The following CDH13 variants were observed in gnomAD, a reference collection of about 807,000 sequenced individuals.
The protein encoded by CDH13 is cadherin-13.
In CDH13, 24 loss-of-function variants were observed where a neutral mutation model predicts 63.8. That is an observed-to-expected ratio of 0.38 (90% CI 0.27 to 0.53). The LOEUF (loss-of-function observed/expected upper bound fraction) is 0.53. Among genes scored for constraint, CDH13 ranks in the 20% least tolerant of loss-of-function variants. The pLI, the probability that CDH13 is intolerant of heterozygous loss-of-function variation, is 0.85. For synonymous variants in CDH13, 503 were observed against 355.3 expected, an observed-to-expected ratio of 1.42 and a Z score of -4.67; for missense variants, 1,049 against 903.1, an observed-to-expected ratio of 1.16 and a Z score of -2.07.
At chr16:82,787,697 A>C (rs1409255993) in intron 1 of CDH13, among the ~76,000 whole-genome samples, 1 of 152,254 alleles carries the variant, frequency 6.6e-6, no homozygotes, top group Non-Finnish European at 1.5e-5. Context: ...TTTCACAACC[A>C]GTGGGAAAAG....
chr16:83,538,257 G>A (rs2075231874), intron 7 of CDH13, among the ~76,000 whole-genome samples: 1 of 152,066 alleles, frequency 6.6e-6, no homozygotes, highest in Non-Finnish European at 1.5e-5. Context: ...TTTATTTCTG[G>A]GTATGTTTAG....
chr16:83,759,501 G>A (rs899289443), intron 11 of CDH13, among the ~76,000 whole-genome samples: 7 of 149,572 alleles, frequency 4.7e-5, no homozygotes, highest in African/African-American at 1.8e-4. Flanking sequence ...TCGTAATTAG[G>A]ATACAAAAGT....
chr16:83,048,187 A>G (rs1434474748), intron 3 of CDH13, among the ~76,000 whole-genome samples: 2 of 152,204 alleles, frequency 1.3e-5, no homozygotes, highest in Non-Finnish European at 2.9e-5. Context: ...CAAGATATGA[A>G]CACAAGTTGG....
At chr16:83,263,457 C>G (rs566733663) in intron 5 of CDH13, among the ~76,000 whole-genome samples, 1 of 152,136 alleles carries the variant, frequency 6.6e-6, no homozygotes, top group African/African-American at 2.4e-5. Context: ...CAGAGATCTA[C>G]CAACCACATC....
intron 8 of CDH13, among the ~76,000 whole-genome samples, chr16:83,634,730 C>A (rs1159841631): frequency 6.6e-6 from 1 of 152,062 alleles, no homozygotes; most frequent in Non-Finnish European, 1.5e-5. Flanking sequence ...AAGCATGATG[C>A]CCCTGAGATT....
rs1917957064 is a variant in CDH13 at position 83,047,981 on chromosome 16, AC to A, written c.366+15764del. On this transcript the variant is annotated intron_variant, in intron 3 of 13. Transcript: ENST00000567109. The surrounding 1 kb of genome is among the most constrained non-coding windows in gnomAD (Gnocchi z 4.9). ...TTTTGCACTCAGACTCCTCAAAAAAACATTTAACAAAATATGTTATCTTTTT... is the reference window on the plus strand; with the variant it reads ...TTTTGCACTCAGACTCCTCAAAAAAAATTTAACAAAATATGTTATCTTTTT... Among the ~76,000 whole-genome samples, 2 of 152,336 alleles carry A rather than the reference AC, an allele frequency of 1.3e-5. No homozygotes were observed. Among genetic ancestry groups the A allele is most frequent in the South Asian group, 4.1e-4 (2 of 4,820 alleles).
chr16:83,608,233 G>A (rs1005159052), intron 8 of CDH13, among the ~76,000 whole-genome samples: 14 of 152,090 alleles, frequency 9.2e-5, no homozygotes, highest in African/African-American at 2.9e-4. Flanking sequence ...TAATAAAAAC[G>A]ACATAAAACT....
intron 6 of CDH13, among the ~76,000 whole-genome samples, chr16:83,420,245 A>C (rs2071676746): frequency 6.6e-6 from 1 of 152,200 alleles, no homozygotes; most frequent in Non-Finnish European, 1.5e-5. Context: ...GGTAATTAAA[A>C]ATATGACTGA....
chr16:82,997,681 C>T (rs926424220), intron 2 of CDH13, among the ~76,000 whole-genome samples: 6 of 152,098 alleles, frequency 3.9e-5, no homozygotes, highest in African/African-American at 1.4e-4. Context: ...AGAGATTTTT[C>T]CACAATCACA....
intron 1 of CDH13, among the ~76,000 whole-genome samples, chr16:82,797,114 T>A (rs4783281): frequency 0.024 from 3,671 of 152,328 alleles, 65 homozygotes; most frequent in Admixed American, 0.042. Context: ...AAAGTCTAGA[T>A]GAAATGAGGT....
chr16:83,524,174 C>T (rs181116637), intron 7 of CDH13, among the ~76,000 whole-genome samples: 119 of 152,194 alleles, frequency 7.8e-4, no homozygotes, highest in African/African-American at 2.7e-3. Flanking sequence ...TGGGTTTGCA[C>T]GACAACCAAG....
At chr16:83,510,802 A>G (rs1000389491) in intron 7 of CDH13, among the ~76,000 whole-genome samples, 4 of 152,256 alleles carry the variant, frequency 2.6e-5, no homozygotes, top group Non-Finnish European at 5.9e-5. Flanking sequence ...TATGTCTTAA[A>G]GAAAAATAAA....
chr16:83,568,012 C>T (rs1358766825), intron 7 of CDH13, among the ~76,000 whole-genome samples: 1 of 152,154 alleles, frequency 6.6e-6, no homozygotes, highest in Non-Finnish European at 1.5e-5. Flanking sequence ...GCATGTACAC[C>T]TCATTACTTC....
At chr16:82,723,826 G>C (rs1291563098) in intron 1 of CDH13, among the ~76,000 whole-genome samples, 1 of 152,198 alleles carries the variant, frequency 6.6e-6, no homozygotes, top group Non-Finnish European at 1.5e-5. Flanking sequence ...TGTGCCATGT[G>C]CTAGGTTCTC....
intron 8 of CDH13, among the ~76,000 whole-genome samples, chr16:83,611,702 A>G (rs1476163251): frequency 6.6e-6 from 1 of 152,046 alleles, no homozygotes; most frequent in Admixed American, 6.5e-5. Flanking sequence ...GCATTACATA[A>G]TATGTGCTAT....
At chr16:82,639,805 C>T (rs3910232) in intron 1 of CDH13, among the ~76,000 whole-genome samples, 57,202 of 152,136 alleles carry the variant, frequency 0.38, 11,704 homozygotes, top group East Asian at 0.68. Context: ...GTACTAGCCA[C>T]AGAGCAGCGA....
At chr16:83,720,732 G>C (rs1193951885) in intron 10 of CDH13, among the ~76,000 whole-genome samples, 2 of 152,186 alleles carry the variant, frequency 1.3e-5, no homozygotes, top group African/African-American at 2.4e-5. Flanking sequence ...AGAAAAGAGG[G>C]AATCCGACTC....
intron 2 of CDH13, among the ~76,000 whole-genome samples, chr16:82,935,698 C>T (rs1372311776): frequency 6.6e-6 from 1 of 152,132 alleles, no homozygotes; most frequent in Non-Finnish European, 1.5e-5. Context: ...ACCCCCTGAG[C>T]TCCACCTCCT....
chr16:83,582,036 A>C (rs1453607401), intron 7 of CDH13, among the ~76,000 whole-genome samples: 4 of 152,010 alleles, frequency 2.6e-5, no homozygotes, highest in Non-Finnish European at 5.9e-5. Context: ...GGGTGGGTGA[A>C]TGTTTGTGGA....
Sources: gnomAD v4.1 joint callset for allele counts (sites outside exome capture counted in the v4.1 genomes callset) on GRCh38, gnomAD v4.1.1 for gene constraint, Gnocchi (gnomAD v3.1) non-coding constraint, MANE v1.5 for transcripts, NCBI Gene and HGNC (gene_info 2026-07-23, HGNC 2026-07-21) for gene names.